The following ARHGEF17 variants were observed in gnomAD, a reference collection of about 807,000 sequenced individuals.
ARHGEF17 encodes Rho guanine nucleotide exchange factor 17, also known as 164 kDa Rho-specific guanine-nucleotide exchange factor.
A neutral mutation model predicts 174.0 loss-of-function variants in ARHGEF17; 80 were observed. The observed-to-expected ratio is 0.46, with a 90% confidence interval of 0.38 to 0.55. The LOEUF is 0.55. ARHGEF17 is among the 20% of genes least tolerant of loss of function. ARHGEF17 has a pLI of 0.00. For missense variants in ARHGEF17, 2,886 were observed against 2,839.7 expected (o/e 1.02, Z -0.37); for synonymous variants, 1,311 against 1,189.1 (o/e 1.10, Z -2.11).
chr11:73,346,849 G>T, intron 1 of ARHGEF17, 34 bp from the exon 2 acceptor site: 2 of 1,426,656 alleles, frequency 1.4e-6, no homozygotes, highest in Non-Finnish European at 1.8e-6. Context: ...GGGGGAAAAA[G>T]ACCCCTGTTC....
chr11:73,364,044 G>A, intron 16 of ARHGEF17, 128 bp from the exon 17 acceptor site: 1 of 1,113,102 alleles, frequency 9.0e-7, no homozygotes, highest in South Asian at 1.4e-5. Flanking sequence ...ACCCCCACCT[G>A]GAGAACAAGG....
chr11:73,360,617 A>G (rs1351010919), intron 11 of ARHGEF17, 84 bp downstream of exon 11: 3 of 1,488,412 alleles, frequency 2.0e-6, no homozygotes, highest in Non-Finnish European at 1.9e-6. Flanking sequence ...CTGTGACTTC[A>G]GGAGCCAGAA....
chr11:73,320,006 G>A (rs1364079098), intron 1 of ARHGEF17, among the ~76,000 whole-genome samples: 1 of 152,120 alleles, frequency 6.6e-6, no homozygotes, highest in African/African-American at 2.4e-5. Context: ...GGCACCTAGG[G>A]AGGGGGTGGG....
At chr11:73,366,993 G>A (rs916463741) in intron 20 of ARHGEF17, among the ~76,000 whole-genome samples, 2 of 152,080 alleles carry the variant, frequency 1.3e-5, no homozygotes, top group Non-Finnish European at 2.9e-5. Context: ...TGAGCCAAGA[G>A]TATGTGCCAT....
At chr11:73,316,065 G>A (rs76854106) in intron 1 of ARHGEF17, among the ~76,000 whole-genome samples, 13,025 of 152,216 alleles carry the variant, frequency 0.086, 693 homozygotes, top group Non-Finnish European at 0.11. Context: ...AGGGGCTTAG[G>A]ATGTTGAGGG....
intron 1 of ARHGEF17, 133 bp downstream of exon 1, chr11:73,311,963 T>G: frequency 9.7e-7 from 1 of 1,032,416 alleles, no homozygotes; most frequent in South Asian, 1.7e-5. Flanking sequence ...GTCCTGGAAG[T>G]GCCTGTGCAG....
rs1304498799 is a variant in ARHGEF17, at chr11:73,309,048, G to A, written c.410G>A (p.Gly137Asp). Residue 137 changes from glycine (G) to aspartate (D), a missense_variant, in exon 1 of 21, where the codon GGC (glycine) becomes GAC (aspartate). Gly to Asp is a moderately conservative substitution (Grantham distance 94). Coordinates refer to ENST00000263674, the MANE Select transcript of ARHGEF17 (RefSeq NM_014786.4). ...ATGCGCAAGCTCTTCGGCGGTCCTGGCTCCAGGAGGCCCAGCGCCGACTCT... is the reference window on the plus strand; with the variant it reads ...ATGCGCAAGCTCTTCGGCGGTCCTGACTCCAGGAGGCCCAGCGCCGACTCT... ...TEMRKLFGGP[G>D]SRRPSADSES... 1.8e-5 allele frequency: 26 copies of A among 1,477,080 alleles called. No individual in the cohort carries two copies. The highest frequency in any genetic ancestry group is 2.3e-5 in the Non-Finnish European group (26 of 1,118,980). The allele number at this position is 1,477,080 out of a possible 1,614,324, so 91.5% of individuals were successfully genotyped here.
chr11:73,328,227 G>GTTCC (rs1865135575), intron 1 of ARHGEF17, among the ~76,000 whole-genome samples: 1 of 152,184 alleles, frequency 6.6e-6, no homozygotes, highest in African/African-American at 2.4e-5. Context: ...CCCTGAGGGA[G>GTTCC]GCTTGGAGTT....
At chr11:73,340,670 A>G (rs2134406798) in intron 1 of ARHGEF17, among the ~76,000 whole-genome samples, 1 of 152,276 alleles carries the variant, frequency 6.6e-6, no homozygotes, top group Non-Finnish European at 1.5e-5. Context: ...CAGATGAGGG[A>G]CGAGGTGCCC....
rs944923296 is a variant in ARHGEF17, at chr11:73,308,870, C to T, written c.232C>T (p.Leu78Phe). ...APAQPRPLRS[L>F]SPSVRQLSRR... The stretch of plus-strand genomic sequence containing the variant: ...CGCGCAGCCGCGCCCGCTCCGCAGC[C>T]TCTCGCCGTCGGTTCGCCAGCTCTC... The change falls in exon 1 of 21, where the codon CTC becomes TTC. Residue 78 changes from leucine (L) to phenylalanine (F), a missense_variant. Physicochemically the swap from Leu to Phe is conservative, Grantham distance 22 (BLOSUM62 0). This residue lies in a region of ARHGEF17 where 1,728 missense variants were observed against 1,461.2 expected (regional missense o/e 1.18). Coordinates refer to ENST00000263674, the MANE Select transcript of ARHGEF17 (RefSeq NM_014786.4). 2.8e-5 allele frequency: 38 copies of T among 1,356,646 alleles called. No homozygotes were observed. The highest frequency in any genetic ancestry group is 3.5e-5 in the Non-Finnish European group (37 of 1,061,524). 84.0% of individuals were successfully genotyped at this position (1,356,646 alleles called of 1,614,324 possible).
chr11:73,313,793 C>T (rs180688676), intron 1 of ARHGEF17, among the ~76,000 whole-genome samples: 100 of 152,354 alleles, frequency 6.6e-4, no homozygotes, highest in Admixed American at 2.7e-3. Flanking sequence ...TCCATCATAT[C>T]CCTGCTCTGT....
Position 73,362,228 on chromosome 11 carries a change from T to TCGCTGC in ARHGEF17, c.4685_4690dup (p.Arg1562_Cys1563dup). ...TCGGGGCGGTGCCCGGGCTGCAGCCTCGCTGCCACCGGTGAGGCCTGGGCG... is the reference window on the plus strand; with the variant it reads ...TCGGGGCGGTGCCCGGGCTGCAGCCTCGCTGCCGCTGCCACCGGTGAGGCCTGGGCG... On this transcript the variant is annotated inframe_insertion, in exon 13 of 21. Coordinates refer to ENST00000263674, the MANE Select transcript of ARHGEF17 (RefSeq NM_014786.4). 1 of 1,539,438 alleles carries TCGCTGC rather than the reference T, an allele frequency of 6.5e-7. No homozygotes were observed. The highest frequency in any genetic ancestry group is 2.4e-5 in the East Asian group (1 of 40,876).
At chr11:73,352,424 G>A (rs1004661070) in intron 2 of ARHGEF17, among the ~76,000 whole-genome samples, 7 of 152,136 alleles carry the variant, frequency 4.6e-5, no homozygotes, top group African/African-American at 1.7e-4. Context: ...ATCAGGACAG[G>A]GATTGTGGTC....
Position 73,360,307 on chromosome 11 carries a change from C to T in ARHGEF17, c.4207-13C>T. On this transcript the variant is annotated splice_polypyrimidine_tract_variant and intron_variant, in intron 10 of 20. Transcript: ENST00000263674. ...GATGCTGGGGCCTGAGGCCTGGGCC[C>T]TCTTCCCCACAGAGCCTGGACGATG... is the stretch of plus-strand genomic sequence containing the variant. 1.9e-6 allele frequency: 3 copies of T among 1,612,996 alleles called. No homozygotes were observed. The highest frequency in any genetic ancestry group is 2.5e-6 in the Non-Finnish European group (3 of 1,179,882).
At chr11:73,329,560 C>T (rs929241836) in intron 1 of ARHGEF17, among the ~76,000 whole-genome samples, 19 of 150,710 alleles carry the variant, frequency 1.3e-4, no homozygotes, top group Non-Finnish European at 1.6e-4. Context: ...CCACCACGCC[C>T]AGCTAATTTT....
intron 1 of ARHGEF17, among the ~76,000 whole-genome samples, chr11:73,345,204 G>A (rs902878509): frequency 3.3e-5 from 5 of 152,116 alleles, no homozygotes; most frequent in Admixed American, 6.5e-5. Context: ...CAAGAGTACC[G>A]AGGATAGATG....
chr11:73,345,556 C>T (rs1865446700), intron 1 of ARHGEF17, among the ~76,000 whole-genome samples: 1 of 152,076 alleles, frequency 6.6e-6, no homozygotes, highest in Admixed American at 6.5e-5. Context: ...GGCTCAGGTC[C>T]ACTAAAACAT....
chr11:73,317,779 A>C (rs957393563), intron 1 of ARHGEF17, among the ~76,000 whole-genome samples: 3 of 152,170 alleles, frequency 2.0e-5, no homozygotes, highest in Non-Finnish European at 4.4e-5. Context: ...ACACAGAGGA[A>C]AACTGTCAGG....
intron 6 of ARHGEF17, 82 bp downstream of exon 6, chr11:73,356,433 A>T (rs976446930): frequency 7.7e-7 from 1 of 1,306,080 alleles, no homozygotes; most frequent in African/African-American, 1.7e-5. Flanking sequence ...ATCTGTGGCC[A>T]CCTGGAATCG....
Sources: gnomAD v4.1 joint callset for allele counts (sites outside exome capture counted in the v4.1 genomes callset) on GRCh38, gnomAD v4.1.1 for gene constraint, gnomAD v4.1.1 regional missense constraint, MANE v1.5 for transcripts, NCBI Gene and HGNC (gene_info 2026-07-23, HGNC 2026-07-21) for gene names.